Variants in MICAL3 observed in about 807,000 individuals in gnomAD.
The protein encoded by MICAL3 is [F-actin]-monooxygenase MICAL3.
In MICAL3, 62 loss-of-function variants were observed where a neutral mutation model predicts 207.4. The ratio of observed to expected loss-of-function variants is 0.30; its 90% confidence interval spans 0.24 to 0.37. The LOEUF is 0.37. Among genes scored for constraint, MICAL3 ranks in the 10% least tolerant of loss-of-function variants. The pLI is 1.00. For missense variants in MICAL3, 2,368 were observed against 2,635.6 expected, an observed-to-expected ratio of 0.90 and a Z score of 2.22; for synonymous variants, 1,077 against 1,069.3, an observed-to-expected ratio of 1.01 and a Z score of -0.14.
At chr22:17,826,330 C>T in intron 22 of MICAL3, 1 of 401,222 alleles carries the variant, frequency 2.5e-6, no homozygotes, top group Non-Finnish European at 3.4e-6. Context: ...CAGGTACCCC[C>T]ACCCGCCTCT....
intron 11 of MICAL3, among the ~76,000 whole-genome samples, chr22:17,892,256 T>C (rs951214406): frequency 3.3e-5 from 5 of 152,224 alleles, no homozygotes; most frequent in Non-Finnish European, 5.9e-5. Flanking sequence ...AGAAACTGAA[T>C]AGGCAAACAC....
At chr22:17,908,026 C>T (rs9618159) in intron 1 of MICAL3, among the ~76,000 whole-genome samples, 8 of 152,118 alleles carry the variant, frequency 5.3e-5, no homozygotes, top group Admixed American at 4.6e-4. Context: ...TACTCCTGCA[C>T]CCACCGGCTC....
chr22:17,816,171 T>TGA (rs1308337615), intron 27 of MICAL3, among the ~76,000 whole-genome samples: 14 of 152,298 alleles, frequency 9.2e-5, no homozygotes, highest in African/African-American at 3.1e-4. Flanking sequence ...CTCTGGAAAG[T>TGA]GAGGGGCTGA....
intron 21 of MICAL3, among the ~76,000 whole-genome samples, chr22:17,830,980 C>A (rs926031242): frequency 3.9e-5 from 6 of 152,194 alleles, no homozygotes; most frequent in African/African-American, 1.4e-4. Context: ...TGGGACTGGG[C>A]AGCAAGCACA....
chr22:17,904,904 TGATTGTAA>T, intron 2 of MICAL3, 65 bp from the exon 3 acceptor site: 1 of 1,207,372 alleles, frequency 8.3e-7, no homozygotes, highest in East Asian at 2.4e-5. Flanking sequence ...AGAAGTCTCA[TGATTGTAA>T]GATCATCACT....
intron 29 of MICAL3, among the ~76,000 whole-genome samples, chr22:17,800,822 T>C (rs954054579): frequency 6.6e-6 from 1 of 152,126 alleles, no homozygotes; most frequent in Non-Finnish European, 1.5e-5. Context: ...AGGGTGATTT[T>C]CCCTCCAATT....
intron 1 of MICAL3, among the ~76,000 whole-genome samples, chr22:17,982,194 G>A (rs142370091): frequency 1.5e-4 from 23 of 152,292 alleles, no homozygotes; most frequent in South Asian, 8.3e-4. Context: ...TTCAGTACAC[G>A]AAAGGTGGTG....
chr22:17,852,920 T>C (rs1925488985), intron 19 of MICAL3, among the ~76,000 whole-genome samples: 1 of 151,816 alleles, frequency 6.6e-6, no homozygotes, highest in Non-Finnish European at 1.5e-5. Flanking sequence ...ACTAAAAATA[T>C]AAAAATTAGC....
chr22:17,880,876 C>T (rs1427213199), intron 16 of MICAL3, among the ~76,000 whole-genome samples: 1 of 152,238 alleles, frequency 6.6e-6, no homozygotes, highest in African/African-American at 2.4e-5. Context: ...GGGCTGCCTT[C>T]AGTGGGGTTT....
intron 19 of MICAL3, among the ~76,000 whole-genome samples, chr22:17,843,692 CAT>C (rs1002013302): frequency 1.1e-4 from 17 of 152,292 alleles, no homozygotes; most frequent in African/African-American, 4.1e-4. Context: ...GCCCAGGAAA[CAT>C]GAGTGAAGCA....
chr22:17,989,046 C>T (rs934032231), intron 1 of MICAL3, among the ~76,000 whole-genome samples: 4 of 152,142 alleles, frequency 2.6e-5, no homozygotes, highest in Admixed American at 6.5e-5. Flanking sequence ...TCAGTTCTCC[C>T]GCCTCCACAA....
At chr22:17,797,175 T>G (rs2061885249) in intron 29 of MICAL3, among the ~76,000 whole-genome samples, 1 of 152,132 alleles carries the variant, frequency 6.6e-6, no homozygotes, top group Admixed American at 6.5e-5. Flanking sequence ...AGCAGAGGCT[T>G]GAGTGCCTTG....
At chr22:17,933,802 G>A (rs923656623) in intron 1 of MICAL3, among the ~76,000 whole-genome samples, 7 of 152,104 alleles carry the variant, frequency 4.6e-5, no homozygotes, top group African/African-American at 9.7e-5. Flanking sequence ...TATCACCACC[G>A]ATCCCACGGA....
chr22:17,831,612 C>T (rs1217445021), intron 21 of MICAL3, among the ~76,000 whole-genome samples: 1 of 152,174 alleles, frequency 6.6e-6, no homozygotes, highest in Non-Finnish European at 1.5e-5. Context: ...TGGCTCTCTG[C>T]CTTCCACTTC....
chr22:17,865,525 G>A (rs1416121386), intron 18 of MICAL3, among the ~76,000 whole-genome samples: 1 of 152,214 alleles, frequency 6.6e-6, no homozygotes, highest in Non-Finnish European at 1.5e-5. Context: ...TGGGGCCACC[G>A]AGGGATCCTC....
chr22:17,816,432 C>G (rs573918661), intron 27 of MICAL3, among the ~76,000 whole-genome samples: 44 of 152,376 alleles, frequency 2.9e-4, no homozygotes, highest in Admixed American at 9.8e-4. Flanking sequence ...GAGTGTGACA[C>G]AGGAATGGCT....
In MICAL3 at chr22:17,902,594, C is replaced by T. The variant is rs746718823; in HGVS notation, c.589+37G>A. 8 of 1,266,614 alleles carry T rather than the reference C, an allele frequency of 6.3e-6. No homozygotes were observed. Among genetic ancestry groups the T allele is most frequent in the Non-Finnish European group, 9.0e-6 (8 of 885,150 alleles). 78.5% of individuals were successfully genotyped at this position (1,266,614 alleles called of 1,614,324 possible). On this transcript the variant is annotated intron_variant, in intron 4 of 31. Transcript: ENST00000441493. This position sits in a 1 kb window ranked among gnomAD's most constrained non-coding sequence, Gnocchi z 4.5. Reference sequence around the variant, plus strand: ...TCTCATCTTCCTCACCCATCAACACCCTCTCACGCCTTCTTCACTCCTCCA... The same window carrying T: ...TCTCATCTTCCTCACCCATCAACACTCTCTCACGCCTTCTTCACTCCTCCA...
intron 1 of MICAL3, chr22:18,004,742 C>T (rs890987801): frequency 7.9e-5 from 12 of 152,106 alleles, no homozygotes; most frequent in African/African-American, 2.4e-4. Context: ...GCCTTAGTAC[C>T]GTTTTGCCTT....
At chr22:17,955,278 A>G (rs1387879053) in intron 1 of MICAL3, among the ~76,000 whole-genome samples, 1 of 152,182 alleles carries the variant, frequency 6.6e-6, no homozygotes, top group East Asian at 1.9e-4. Flanking sequence ...ACCATAAAGA[A>G]TGCAAGGATC....
Sources: allele counts gnomAD v4.1 joint callset (sites outside exome capture counted in the v4.1 genomes callset), GRCh38; gene constraint gnomAD v4.1.1; non-coding constraint Gnocchi (gnomAD v3.1); transcripts MANE v1.5; gene names NCBI Gene and HGNC (gene_info 2026-07-23, HGNC 2026-07-21).